Variants in VWA8 observed in about 807,000 individuals in gnomAD.
VWA8 encodes von Willebrand factor A domain-containing protein 8.
In VWA8, 221 loss-of-function variants were observed where a neutral mutation model predicts 241.5. The observed-to-expected ratio is 0.91, with a 90% confidence interval of 0.82 to 1.02. VWA8 has a LOEUF of 1.02. Ranked by LOEUF, VWA8 falls within the 50% of genes least tolerant of loss-of-function variation. The pLI is 0.00. For synonymous variants in VWA8, 852 were observed against 827.1 expected, an observed-to-expected ratio of 1.03 and a Z score of -0.52; for missense variants, 2,322 against 2,328.7, an observed-to-expected ratio of 1.00 and a Z score of 0.06.
intron 12 of VWA8, among the ~76,000 whole-genome samples, chr13:41,849,575 A>G (rs1367772768): frequency 6.6e-6 from 1 of 152,164 alleles, no homozygotes; most frequent in Non-Finnish European, 1.5e-5. Flanking sequence ...AATCAAAATT[A>G]CTGTAAAGTA....
At position 41,765,870 on chromosome 13, in the gene VWA8, A is replaced by C. The variant is rs544968065; in HGVS notation, c.2350-4666T>G. On this transcript the variant is annotated intron_variant, in intron 20 of 44. Coordinates refer to ENST00000379310, the MANE Select transcript of VWA8 (RefSeq NM_015058.2). ...AGTAAGTGGAAATTTGATATAGGAG[A>C]AGAAACTTGTGGAATGAGAGCTCCT... 6.5e-4 allele frequency among the ~76,000 whole-genome samples: 99 copies of C among 152,174 alleles called. 1 individual carries two copies. Among genetic ancestry groups the C allele is most frequent in the Non-Finnish European group, 1.1e-3 (73 of 68,036 alleles).
At chr13:41,699,403 G>C in intron 28 of VWA8, 133 bp from the exon 29 acceptor site, 1 of 807,592 alleles carries the variant, frequency 1.2e-6, no homozygotes, top group African/African-American at 1.7e-5. Context: ...TTGTATCATG[G>C]CTTGATTAGG....
intron 12 of VWA8, among the ~76,000 whole-genome samples, chr13:41,844,163 G>A (rs1872182342): frequency 6.6e-6 from 1 of 152,092 alleles, no homozygotes; most frequent in African/African-American, 2.4e-5. Context: ...TTATTCCTGG[G>A]ACACAGAGTT....
intron 12 of VWA8, among the ~76,000 whole-genome samples, chr13:41,842,809 A>G (rs1872119349): frequency 6.6e-6 from 1 of 152,216 alleles, no homozygotes. Flanking sequence ...AAGTCTGTGC[A>G]GCTAGAGTTC....
intron 37 of VWA8, among the ~76,000 whole-genome samples, chr13:41,658,782 A>G (rs1348327326): frequency 6.6e-6 from 1 of 152,214 alleles, no homozygotes; most frequent in Non-Finnish European, 1.5e-5. Context: ...GAGTGGAAGC[A>G]GAGAGCATTG....
intron 34 of VWA8, among the ~76,000 whole-genome samples, chr13:41,686,037 A>T (rs544214945): frequency 6.6e-6 from 1 of 152,266 alleles, no homozygotes; most frequent in African/African-American, 2.4e-5. Flanking sequence ...ATCTGCATTC[A>T]TCCTTTTCTC....
rs547860294 is a variant in VWA8, at chr13:41,951,168, G to A, written c.164-1155C>T. Among the ~76,000 whole-genome samples, 7 of 152,156 alleles carry A rather than the reference G, an allele frequency of 4.6e-5. 1 individual carries two copies. In the South Asian group the frequency reaches 1.0e-3, roughly 23 times the overall value. On this transcript the variant is annotated intron_variant, in intron 1 of 44. Transcript: ENST00000379310. ...GCAGTGGCTCACGCCTGTAATCCTA[G>A]CACTTTGGGAGGCCAAGGCAGGCGG...
intron 25 of VWA8, 133 bp downstream of exon 25, chr13:41,721,237 T>C (rs1566427966): frequency 7.5e-6 from 7 of 935,466 alleles, no homozygotes; most frequent in Non-Finnish European, 1.1e-5. Context: ...ACTTAGATTA[T>C]ACACATTTCA....
At chr13:41,921,280 A>G (rs926573549) in intron 2 of VWA8, among the ~76,000 whole-genome samples, 2 of 152,198 alleles carry the variant, frequency 1.3e-5, no homozygotes, top group African/African-American at 4.8e-5. Flanking sequence ...TATTGATGGG[A>G]TGTATCTCAA....
intron 37 of VWA8, among the ~76,000 whole-genome samples, chr13:41,631,711 T>C (rs1022287561): frequency 6.6e-6 from 1 of 152,218 alleles, no homozygotes; most frequent in African/African-American, 2.4e-5. Flanking sequence ...TGCAGAATGA[T>C]GAAGTCAAGA....
At chr13:41,728,712 T>C in intron 23 of VWA8, among the ~76,000 whole-genome samples, 1 of 152,060 alleles carries the variant, frequency 6.6e-6, no homozygotes, top group East Asian at 1.9e-4. Flanking sequence ...AATGCTTTTA[T>C]TAGTGCTAAG....
At chr13:41,623,402 T>C (rs1566391704) in intron 37 of VWA8, among the ~76,000 whole-genome samples, 1 of 152,172 alleles carries the variant, frequency 6.6e-6, no homozygotes, top group Non-Finnish European at 1.5e-5. Flanking sequence ...GTCCTTATAG[T>C]TAAGCCATTG....
chr13:41,778,147 T>A, intron 19 of VWA8, 91 bp from the exon 20 acceptor site: 2 of 814,844 alleles, frequency 2.5e-6, no homozygotes, highest in Non-Finnish European at 1.8e-6. Flanking sequence ...AGAATATAAA[T>A]ATCTATTATA....
chr13:41,919,078 A>T (rs1876391163), intron 2 of VWA8, among the ~76,000 whole-genome samples: 1 of 152,120 alleles, frequency 6.6e-6, no homozygotes, highest in South Asian at 2.1e-4. Context: ...AAATGAAAAA[A>T]CGACATTTCC....
chr13:41,752,967 C>T (rs971567287), intron 21 of VWA8, among the ~76,000 whole-genome samples: 3 of 152,124 alleles, frequency 2.0e-5, no homozygotes, highest in Non-Finnish European at 4.4e-5. Flanking sequence ...GGAACAGTTA[C>T]ACCCAGAATG....
intron 8 of VWA8, among the ~76,000 whole-genome samples, chr13:41,885,584 C>T (rs1358714430): frequency 6.6e-6 from 1 of 152,174 alleles, no homozygotes; most frequent in African/African-American, 2.4e-5. Flanking sequence ...GTGTGAAAGC[C>T]CTAGCTCCCC....
At chr13:41,924,934 G>GCTTGCAGTGAGCCGAGATCCCGCC (rs1188799340) in intron 2 of VWA8, among the ~76,000 whole-genome samples, 1 of 152,110 alleles carries the variant, frequency 6.6e-6, no homozygotes, top group African/African-American at 2.4e-5. Flanking sequence ...TCTCCAAACA[G>GCTTGCAGTGAGCCGAGATCCCGCC]ATTTAATCCA....
Position 41,611,733 on chromosome 13 carries a change from C to G in VWA8, c.4721-1G>C, listed in dbSNP as rs201641727. ...CCCAGGCCTGCCGTGTCTCTTCCCC[C>G]TGGAAGGAAAACGTGGAAATTCAGA... On this transcript the variant is annotated splice_acceptor_variant, in intron 38 of 44. Transcript: ENST00000379310. LOFTEE classifies it high-confidence loss of function. The G allele has an allele frequency of 6.2e-7, 1 of 1,613,232 alleles. No homozygotes were observed. Among genetic ancestry groups the G allele is most frequent in the Non-Finnish European group, 8.5e-7 (1 of 1,179,700 alleles).
intron 35 of VWA8, among the ~76,000 whole-genome samples, chr13:41,676,698 T>A (rs1334514250): frequency 2.6e-5 from 4 of 152,202 alleles, no homozygotes; most frequent in Non-Finnish European, 4.4e-5. Context: ...AGTGGTGCGA[T>A]CTTGGCTCAC....
Sources: gnomAD v4.1 joint callset for allele counts (sites outside exome capture counted in the v4.1 genomes callset) on GRCh38, gnomAD v4.1.1 for gene constraint, MANE v1.5 for transcripts, NCBI Gene and HGNC (gene_info 2026-07-23, HGNC 2026-07-21) for gene names.